The following CDH4 variants were observed in gnomAD, a reference collection of about 807,000 sequenced individuals.
CDH4 encodes the protein cadherin 4.
A neutral mutation model predicts 86.0 loss-of-function variants in CDH4; 33 were observed. The observed-to-expected ratio is 0.38, with a 90% CI of 0.29 to 0.51. The LOEUF is 0.51. Ranked by LOEUF, CDH4 falls within the 20% of genes least tolerant of loss-of-function variation. The pLI, the probability that CDH4 is intolerant of heterozygous loss-of-function variation, is 0.86. For synonymous variants in CDH4, 555 were observed against 549.4 expected (o/e 1.01, Z -0.14); for missense variants, 1,114 against 1,307.4 (o/e 0.85, Z 2.28).
intron 2 of CDH4, among the ~76,000 whole-genome samples, chr20:61,612,718 ACT>A (rs1442848304): frequency 2.6e-5 from 4 of 151,508 alleles, no homozygotes; most frequent in South Asian, 2.1e-4. Context: ...TAATTTAAGG[ACT>A]CTCTACCTAG....
intron 2 of CDH4, among the ~76,000 whole-genome samples, chr20:61,599,502 C>CT (rs2086581673): frequency 6.6e-6 from 1 of 152,234 alleles, no homozygotes; most frequent in Non-Finnish European, 1.5e-5. Context: ...CCTGACCCCA[C>CT]TGTGGCTGGA....
chr20:61,891,100 G>A (rs1984799706), intron 7 of CDH4, among the ~76,000 whole-genome samples: 1 of 152,164 alleles, frequency 6.6e-6, no homozygotes, highest in African/African-American at 2.4e-5. Context: ...CGCAAGCACA[G>A]AGGGGCAGGG....
chr20:61,657,259 A>G (rs1489873738), intron 2 of CDH4, among the ~76,000 whole-genome samples: 1 of 152,180 alleles, frequency 6.6e-6, no homozygotes, highest in Admixed American at 6.5e-5. Context: ...CTTAGCTGCT[A>G]ACAAAACAAG....
chr20:61,528,850 A>ATT (rs11476710), intron 2 of CDH4, among the ~76,000 whole-genome samples: 57 of 142,612 alleles, frequency 4.0e-4, no homozygotes, highest in East Asian at 3.0e-3. Flanking sequence ...GATGATCTTG[A>ATT]TTTTTTTTTT....
intron 2 of CDH4, among the ~76,000 whole-genome samples, chr20:61,537,582 C>T (rs936707906): frequency 3.9e-5 from 6 of 152,184 alleles, no homozygotes; most frequent in South Asian, 2.1e-4. Flanking sequence ...CGCCCTACCC[C>T]GGTCTAGAAC....
At chr20:61,750,756 C>T (rs1441106631) in intron 3 of CDH4, among the ~76,000 whole-genome samples, 1 of 152,162 alleles carries the variant, frequency 6.6e-6, no homozygotes, top group Non-Finnish European at 1.5e-5. Flanking sequence ...CTAAAAGAAC[C>T]TGTACTAAGT....
chr20:61,729,025 G>A lies in CDH4; in HGVS notation c.170-14538G>A, dbSNP rs368374699. ...GTGCCCCGATGTCCTGGCCAATGCC[G>A]GGAAGAATGTCAGTCTCCAGCCGTC... is the stretch of plus-strand genomic sequence containing the variant. On this transcript the variant is annotated intron_variant, in intron 2 of 15. Coordinates refer to ENST00000614565, the MANE Select transcript of CDH4 (RefSeq NM_001794.5). Among the ~76,000 whole-genome samples the A allele has an allele frequency of 3.3e-4, 51 of 152,322 alleles. 1 individual carries two copies. The highest frequency in any genetic ancestry group is 1.1e-3 in the African/African-American group (46 of 41,586).
chr20:61,552,973 A>G (rs1012555606), intron 2 of CDH4, among the ~76,000 whole-genome samples: 9 of 152,254 alleles, frequency 5.9e-5, no homozygotes, highest in African/African-American at 2.2e-4. Flanking sequence ...GTGTGTCCAC[A>G]CAATAATTTG....
chr20:61,342,487 G>A (rs768306806), intron 2 of CDH4, among the ~76,000 whole-genome samples: 14 of 152,208 alleles, frequency 9.2e-5, no homozygotes, highest in Non-Finnish European at 1.3e-4. Flanking sequence ...TAGGGTTTGA[G>A]CTCCTATGAG....
rs973727817 is a variant in CDH4, at chr20:61,537,473, G to A, written c.170-206090G>A. Reference sequence around the variant, plus strand: ...CCAGCTCGGGAGGGCAGGGAGCTGGGGACCGCAACCTCACAGCCAGGTGCC... The same window carrying A: ...CCAGCTCGGGAGGGCAGGGAGCTGGAGACCGCAACCTCACAGCCAGGTGCC... On this transcript the variant is annotated intron_variant, in intron 2 of 15. Coordinates refer to ENST00000614565, the MANE Select transcript of CDH4 (RefSeq NM_001794.5). Among the ~76,000 whole-genome samples the A allele has an allele frequency of 3.4e-4, 51 of 152,222 alleles. 1 individual carries two copies. The highest frequency in any genetic ancestry group is 2.7e-3 in the Admixed American group (41 of 15,286).
chr20:61,641,064 T>A (rs2087002936), intron 2 of CDH4, among the ~76,000 whole-genome samples: 1 of 152,074 alleles, frequency 6.6e-6, no homozygotes, highest in South Asian at 2.1e-4. Flanking sequence ...GACGTGCACC[T>A]CCATGTTTTC....
At chr20:61,866,462 G>T (rs372024754) in intron 6 of CDH4, among the ~76,000 whole-genome samples, 1 of 152,306 alleles carries the variant, frequency 6.6e-6, no homozygotes, top group Admixed American at 6.5e-5. Context: ...GGGGCCAGCT[G>T]CCCTCTGTGC....
intron 2 of CDH4, among the ~76,000 whole-genome samples, chr20:61,520,672 C>T (rs534730461): frequency 1.4e-3 from 207 of 152,188 alleles, no homozygotes; most frequent in African/African-American, 3.5e-3. Context: ...GACGGTGATG[C>T]GGGTCTTTTC....
chr20:61,432,778 T>C (rs916427959), intron 2 of CDH4, among the ~76,000 whole-genome samples: 3 of 151,968 alleles, frequency 2.0e-5, no homozygotes, highest in Non-Finnish European at 2.9e-5. Flanking sequence ...AGTCACCTCA[T>C]GTTTTCTCCT....
chr20:61,454,110 G>T (rs2085394596), intron 2 of CDH4, among the ~76,000 whole-genome samples: 1 of 152,134 alleles, frequency 6.6e-6, no homozygotes. Context: ...ACTAACACAT[G>T]GCCATCCTGG....
intron 2 of CDH4, among the ~76,000 whole-genome samples, chr20:61,563,914 C>T (rs1261956820): frequency 6.6e-6 from 1 of 152,200 alleles, no homozygotes; most frequent in African/African-American, 2.4e-5. Context: ...GCCTGGATTA[C>T]AACCTGCCTT....
intron 2 of CDH4, among the ~76,000 whole-genome samples, chr20:61,704,982 G>A (rs1274500864): frequency 6.6e-6 from 1 of 152,186 alleles, no homozygotes; most frequent in African/African-American, 2.4e-5. Flanking sequence ...CAAAGGACCC[G>A]GGTGTGAGCT....
In CDH4 at chr20:61,701,527, T is replaced by A. The variant is rs563220494; in HGVS notation, c.170-42036T>A. Among the ~76,000 whole-genome samples the A allele has an allele frequency of 2.6e-5, 4 of 152,308 alleles. No individual in the cohort carries two copies. In the East Asian group the frequency reaches 7.7e-4, roughly 29 times the overall value. ...CCTCCAAGCGATCAGGACATGCCCATCCTCACTGGGTGGGGACCAGCCCTG... is the reference window on the plus strand; with the variant it reads ...CCTCCAAGCGATCAGGACATGCCCAACCTCACTGGGTGGGGACCAGCCCTG... On this transcript the variant is annotated intron_variant, in intron 2 of 15. Coordinates refer to ENST00000614565, the MANE Select transcript of CDH4 (RefSeq NM_001794.5).
chr20:61,505,604 A>G (rs1049923165), intron 2 of CDH4, among the ~76,000 whole-genome samples: 4 of 152,174 alleles, frequency 2.6e-5, no homozygotes, highest in Admixed American at 6.5e-5. Flanking sequence ...TTGCTTAGGA[A>G]GGTCTGTGCC....
Sources: allele counts gnomAD v4.1 joint callset (sites outside exome capture counted in the v4.1 genomes callset), GRCh38; gene constraint gnomAD v4.1.1; transcripts MANE v1.5; gene names NCBI Gene and HGNC (gene_info 2026-07-23, HGNC 2026-07-21).